The following NBPF9 variants were observed in gnomAD, a reference collection of about 807,000 sequenced individuals.
NBPF9 encodes the protein NBPF family member NBPF9.
In NBPF9, 91 loss-of-function variants were observed where a neutral mutation model predicts 97.8. The ratio of observed to expected loss-of-function variants is 0.93; its 90% CI spans 0.79 to 1.11. The LOEUF is 1.11. Among genes scored for constraint, NBPF9 ranks in the 50% least tolerant of loss-of-function variants. The pLI is 0.00. For missense variants in NBPF9, 992 were observed against 939.5 expected, an observed-to-expected ratio of 1.06 and a Z score of -0.73; for synonymous variants, 334 against 359.5, an observed-to-expected ratio of 0.93 and a Z score of 0.80.
intron 15 of NBPF9, 53 bp downstream of exon 15, chr1:149,071,551 G>C (rs2079411549): frequency 1.1e-6 from 1 of 908,702 alleles, no homozygotes; most frequent in South Asian, 1.4e-5. Context: ...GTGCCTCCTA[G>C]ATATTCCTCA....
intron 17 of NBPF9, among the ~76,000 whole-genome samples, chr1:149,068,353 C>G (rs1427927129): frequency 6.6e-5 from 10 of 151,114 alleles, no homozygotes; most frequent in African/African-American, 4.9e-5. Flanking sequence ...AGAGTCAAGA[C>G]CCATCAGTGT....
At position 149,060,276 on chromosome 1, in the gene NBPF9, A is replaced by G. The variant is rs2078512843; in HGVS notation, c.2476+247T>C. On this transcript the variant is annotated intron_variant, in intron 24 of 29. Coordinates refer to ENST00000584027, the Ensembl canonical transcript of NBPF9. The stretch of plus-strand genomic sequence containing the variant: ...AATTTGTCACATCTGCCCAGGTCCA[A>G]TGTCATGAGGATAGGATCAGGGCGC... 6.0e-6 allele frequency: 2 copies of G among 333,764 alleles called. 1 individual carries two copies. Among genetic ancestry groups the G allele is most frequent in the African/African-American group, 5.9e-5 (2 of 34,096 alleles). 20.7% of individuals were successfully genotyped at this position (333,764 alleles called of 1,614,324 possible).
At chr1:149,063,564 T>G in intron 20 of NBPF9, 69 bp downstream of exon 20, 1 of 657,928 alleles carries the variant, frequency 1.5e-6, no homozygotes, top group South Asian at 1.7e-5. Flanking sequence ...AACGGCCACT[T>G]GCAGTAGGAA....
Position 149,060,990 on chromosome 1 carries a change from A to G in NBPF9, c.2304-295T>C. The G allele has an allele frequency of 4.8e-6, 2 of 417,652 alleles. 1 individual carries two copies. Among genetic ancestry groups the G allele is most frequent in the Non-Finnish European group, 8.7e-6 (2 of 230,086 alleles). The allele number at this position is 417,652 out of a possible 1,614,324, so 25.9% of individuals were successfully genotyped here. A position where few individuals can be genotyped will look rare whatever the true frequency, so the allele number is the denominator to read the frequency against. On this transcript the variant is annotated intron_variant, in intron 23 of 29. Coordinates refer to ENST00000584027, the Ensembl canonical transcript of NBPF9. ...GATGACACACTGATGAGGGAGTAAC[A>G]GGACACTCTGAGTTAGTGCCCTCAG...
At chr1:149,076,153 C>T (rs1553654272) in intron 11 of NBPF9, among the ~76,000 whole-genome samples, 2 of 151,922 alleles carry the variant, frequency 1.3e-5, no homozygotes, top group African/African-American at 4.8e-5. Context: ...GCCAATGTTT[C>T]TGTGTAGCAC....
rs1386129831 is a variant in NBPF9, at chr1:149,099,824, A to T, written c.-605-1118T>A. ...CTACAGGAAAACCCTGTCTACAAAA[A>T]ATAGAAAATTAGCCGGGCATAGTGG... On this transcript the variant is annotated intron_variant, in intron 3 of 29. Transcript: ENST00000584027. Among the ~76,000 whole-genome samples, 231 of 151,520 alleles carry T rather than the reference A, an allele frequency of 1.5e-3. 1 individual carries two copies. The highest frequency in any genetic ancestry group is 2.2e-3 in the Non-Finnish European group (150 of 67,858).
intron 3 of NBPF9, among the ~76,000 whole-genome samples, chr1:149,099,079 C>T (rs1372260371): frequency 1.3e-5 from 2 of 151,238 alleles, no homozygotes; most frequent in Non-Finnish European, 2.9e-5. Flanking sequence ...AGAGTCCTGA[C>T]TAAATACTTG....
At chr1:149,072,739 G>C in exon 14 of NBPF9, 1 of 1,611,600 alleles carries the variant, frequency 6.2e-7, no homozygotes, top group South Asian at 1.1e-5. Flanking sequence ...TTTTGGACAA[G>C]GTGCTGTGCC....
At position 149,087,166 on chromosome 1, in the gene NBPF9, T is replaced by C. The variant is rs587628580; in HGVS notation, c.-195+3587A>G. Among the ~76,000 whole-genome samples the C allele has an allele frequency of 3.3e-5, 5 of 152,152 alleles. No individual in the cohort carries two copies. The South Asian group carries it at 1.0e-3, about 32-fold the overall frequency. On this transcript the variant is annotated intron_variant, in intron 5 of 29. Coordinates refer to ENST00000584027, the Ensembl canonical transcript of NBPF9. ...CCTATGCTAATTGACCATTCATGTGTCTTCTTTTCTGAAGTATCTAAGTCT... is the reference window on the plus strand; with the variant it reads ...CCTATGCTAATTGACCATTCATGTGCCTTCTTTTCTGAAGTATCTAAGTCT...
rs1428713341 is a variant in NBPF9, at chr1:149,076,439, C to T, written c.779-575G>A. 7.9e-5 allele frequency among the ~76,000 whole-genome samples: 12 copies of T among 150,996 alleles called. 1 individual carries two copies. Among genetic ancestry groups the T allele is most frequent in the East Asian group, 5.8e-4 (3 of 5,150 alleles). ...TTCGAACTCCTGAGCTCAGGTGTTC[C>T]GCCCACCTCGGCCTCCCAAAGTGTT... On this transcript the variant is annotated intron_variant, in intron 11 of 29. Coordinates refer to ENST00000584027, the Ensembl canonical transcript of NBPF9.
intron 23 of NBPF9, 131 bp downstream of exon 23, chr1:149,061,201 G>A: frequency 3.1e-6 from 1 of 318,762 alleles, no homozygotes; most frequent in Non-Finnish European, 5.8e-6. Flanking sequence ...AAAACCAACA[G>A]CAATGTTAGT....
chr1:149,079,161 T>C lies in NBPF9; in HGVS notation c.339A>G (p.Leu113=), dbSNP rs782623678. The change falls in exon 9 of 30, where the codon TTA becomes TTG. Residue 113 remains leucine (L), a synonymous_variant. Transcript: ENST00000584027. ...AGCGGGAGGCATCTCTCCCTTCCCG[T>C]AACTTCTCCTTTAACTGCGTCAGCT... The C allele has an allele frequency of 1.2e-4, 154 of 1,286,284 alleles. 1 individual carries two copies. The highest frequency in any genetic ancestry group is 5.3e-4 in the Middle Eastern group (2 of 3,796). 79.7% of individuals were successfully genotyped at this position (1,286,284 alleles called of 1,614,324 possible). A position where few individuals can be genotyped will look rare whatever the true frequency, so the allele number is the denominator to read the frequency against.
intron 5 of NBPF9, among the ~76,000 whole-genome samples, chr1:149,086,846 T>C (rs1256600067): frequency 6.6e-6 from 1 of 152,114 alleles, no homozygotes; most frequent in Non-Finnish European, 1.5e-5. Context: ...GCCCCTCAGG[T>C]TGGTCTGGAA....
At chr1:149,070,876 A>T in intron 16 of NBPF9, 58 bp downstream of exon 16, 1 of 1,354,400 alleles carries the variant, frequency 7.4e-7, no homozygotes, top group Admixed American at 1.8e-5. Flanking sequence ...GCCTGTCTTC[A>T]GAGTTTATCT....
intron 15 of NBPF9, 147 bp from the exon 16 acceptor site, chr1:149,071,286 T>C: frequency 1.4e-6 from 2 of 1,386,020 alleles, no homozygotes; most frequent in Non-Finnish European, 2.0e-6. Flanking sequence ...GAACAGGTAA[T>C]CCTCTTCTCT....
rs79428300 is a variant in NBPF9 at position 149,081,944 on chromosome 1, C to T, written c.175+21G>A. On this transcript the variant is annotated intron_variant, in intron 7 of 29. Coordinates refer to ENST00000584027, the Ensembl canonical transcript of NBPF9. The stretch of plus-strand genomic sequence containing the variant: ...AGGACATCATTCATCACTTTCATGA[C>T]GGTGAGCCTATAGATCTTACTGTAT... 268 of 1,519,426 alleles carry T rather than the reference C, an allele frequency of 1.8e-4. 2 individuals carry two copies. Among genetic ancestry groups the T allele is most frequent in the Middle Eastern group, 1.2e-3 (5 of 4,278 alleles). 94.1% of individuals were successfully genotyped at this position (1,519,426 alleles called of 1,614,324 possible). A position where few individuals can be genotyped will look rare whatever the true frequency, so the allele number is the denominator to read the frequency against.
chr1:149,082,804 G>C (rs1575857831), intron 5 of NBPF9, among the ~76,000 whole-genome samples: 1 of 145,762 alleles, frequency 6.9e-6, no homozygotes, highest in Non-Finnish European at 1.5e-5. Context: ...TTTTGAGACA[G>C]AGTCTCACTC....
intron 11 of NBPF9, among the ~76,000 whole-genome samples, chr1:149,076,534 G>A (rs1228878377): frequency 8.3e-5 from 12 of 144,138 alleles, no homozygotes; most frequent in Admixed American, 1.4e-4. Flanking sequence ...ATGGAGTCTC[G>A]CTCTGTCTCC....
At chr1:149,087,397 A>G (rs1159734738) in intron 5 of NBPF9, among the ~76,000 whole-genome samples, 1 of 150,870 alleles carries the variant, frequency 6.6e-6, no homozygotes, top group African/African-American at 2.4e-5. Context: ...CCTAAGAATC[A>G]ATTAGACATA....
Sources: gnomAD v4.1 joint callset for allele counts (sites outside exome capture counted in the v4.1 genomes callset) on GRCh38, gnomAD v4.1.1 for gene constraint, MANE v1.5 for transcripts, NCBI Gene and HGNC (gene_info 2026-07-23, HGNC 2026-07-21) for gene names.